The following ARMC2 variants were observed in gnomAD, a reference collection of about 807,000 sequenced individuals.
The protein encoded by ARMC2 is armadillo repeat containing 2, also known as armadillo repeat-containing protein 2.
A neutral mutation model predicts 90.3 loss-of-function variants in ARMC2; 67 were observed. The observed-to-expected ratio is 0.74, with a 90% CI of 0.61 to 0.91. The LOEUF (loss-of-function observed/expected upper bound fraction) is 0.91. ARMC2 is among the 40% of genes least tolerant of loss of function. The pLI is 0.00. For missense variants in ARMC2, 920 were observed against 1,030.9 expected (o/e 0.89, Z 1.47); for synonymous variants, 393 against 393.0 (o/e 1.00, Z 0.00).
At chr6:109,036,533 G>A in the ARMC2 span, among the ~76,000 whole-genome samples, 2 of 152,158 alleles carry the variant, frequency 1.3e-5, no homozygotes, top group Non-Finnish European at 2.9e-5. Context: ...GTTTTTATCT[G>A]AGGTTTGAGG....
the ARMC2 span, among the ~76,000 whole-genome samples, chr6:108,980,366 T>C: frequency 2.6e-5 from 4 of 152,096 alleles, no homozygotes; most frequent in African/African-American, 9.7e-5. Context: ...TCTGGAAGCT[T>C]TGTCCCAGAG....
chr6:108,928,259 C>A, intron 11 of ARMC2, 26 bp downstream of exon 11: 2 of 1,427,258 alleles, frequency 1.4e-6, no homozygotes, highest in South Asian at 1.7e-5. Context: ...CGTGAAGTAG[C>A]CTTACAAAAA....
At chr6:108,961,280 T>G (rs2128511587) in intron 13 of ARMC2, among the ~76,000 whole-genome samples, 1 of 152,308 alleles carries the variant, frequency 6.6e-6, no homozygotes, top group Non-Finnish European at 1.5e-5. Context: ...GCCCCTTTGC[T>G]TTACTTCAGA....
intron 4 of ARMC2, among the ~76,000 whole-genome samples, chr6:108,872,529 G>A (rs1776525985): frequency 6.6e-6 from 1 of 152,174 alleles, no homozygotes; most frequent in Non-Finnish European, 1.5e-5. Context: ...GCTCACTGGG[G>A]TGCTGTGATG....
chr6:108,958,499 G>A (rs966923697), intron 13 of ARMC2, among the ~76,000 whole-genome samples: 2 of 152,154 alleles, frequency 1.3e-5, no homozygotes, highest in African/African-American at 2.4e-5. Flanking sequence ...CATTCCTGCC[G>A]CCCAAATGTG....
At chr6:108,859,627 A>G (rs757367391) in intron 3 of ARMC2, among the ~76,000 whole-genome samples, 1 of 152,144 alleles carries the variant, frequency 6.6e-6, no homozygotes, top group Non-Finnish European at 1.5e-5. Context: ...GTAAACATGG[A>G]TATTAATTGA....
At chr6:108,897,663 G>A (rs912290121) in intron 6 of ARMC2, among the ~76,000 whole-genome samples, 5 of 152,008 alleles carry the variant, frequency 3.3e-5, no homozygotes, top group Admixed American at 2.6e-4. Flanking sequence ...GTGTTGGGTG[G>A]GATAGGTAGA....
the ARMC2 span, among the ~76,000 whole-genome samples, chr6:109,018,379 G>A: frequency 4.6e-5 from 7 of 152,180 alleles, no homozygotes; most frequent in African/African-American, 1.7e-4. Context: ...TGATTAGGAG[G>A]GGTATAGTTT....
chr6:108,891,796 T>G (rs926196391), intron 5 of ARMC2, among the ~76,000 whole-genome samples: 1 of 152,184 alleles, frequency 6.6e-6, no homozygotes, highest in African/African-American at 2.4e-5. Context: ...ATTGCTTTTG[T>G]TGTTTTAGTC....
chr6:108,991,573 A>G, the ARMC2 span, among the ~76,000 whole-genome samples: 1 of 152,216 alleles, frequency 6.6e-6, no homozygotes, highest in Admixed American at 6.5e-5. Context: ...AAACACATCT[A>G]TCACCCATTC....
chr6:109,032,181 A>G, the ARMC2 span, among the ~76,000 whole-genome samples: 1 of 152,114 alleles, frequency 6.6e-6, no homozygotes, highest in African/African-American at 2.4e-5. Context: ...TTGAGGCAGG[A>G]AAATCACTTG....
the ARMC2 span, among the ~76,000 whole-genome samples, chr6:109,026,609 A>T: frequency 4.4e-3 from 668 of 152,082 alleles, 11 homozygotes; most frequent in African/African-American, 0.016. Flanking sequence ...GGTTCAAGCG[A>T]TTCTCCTGCC....
chr6:108,927,609 G>T (rs375168089), intron 10 of ARMC2, among the ~76,000 whole-genome samples: 3 of 150,800 alleles, frequency 2.0e-5, no homozygotes, highest in South Asian at 4.2e-4. Context: ...TCTTGGGAGA[G>T]AATGAGACTA....
chr6:109,036,780 C>T, the ARMC2 span, among the ~76,000 whole-genome samples: 4 of 152,166 alleles, frequency 2.6e-5, no homozygotes, highest in Non-Finnish European at 5.9e-5. Context: ...TTATTCTCAC[C>T]TGTTCCCCAT....
At chr6:108,991,128 T>C in the ARMC2 span, among the ~76,000 whole-genome samples, 1 of 152,128 alleles carries the variant, frequency 6.6e-6, no homozygotes, top group East Asian at 1.9e-4. Flanking sequence ...GGCCTTTATG[T>C]CTTTCACTCT....
chr6:108,907,794 C>T, intron 8 of ARMC2: 1 of 1,610,326 alleles, frequency 6.2e-7, no homozygotes, highest in Non-Finnish European at 8.5e-7. Flanking sequence ...CTGAAGTCCC[C>T]CATCAAGATC....
At chr6:108,915,683 G>C (rs1315268596) in intron 10 of ARMC2, among the ~76,000 whole-genome samples, 1 of 152,198 alleles carries the variant, frequency 6.6e-6, no homozygotes, top group Non-Finnish European at 1.5e-5. Flanking sequence ...AGGTGCTGAA[G>C]AGGTAGGGCT....
the ARMC2 span, among the ~76,000 whole-genome samples, chr6:109,044,749 C>T: frequency 1.3e-5 from 2 of 151,918 alleles, no homozygotes; most frequent in Non-Finnish European, 1.5e-5. Flanking sequence ...CTCAGCCGGG[C>T]GCAGTGGCTC....
At chr6:108,961,892 C>T (rs948158485) in intron 14 of ARMC2, 122 bp from the exon 15 acceptor site, 2 of 974,054 alleles carry the variant, frequency 2.1e-6, no homozygotes, top group Non-Finnish European at 3.0e-6. Flanking sequence ...GCTAAAGTCC[C>T]TTACAGTTTG....
Sources: gnomAD v4.1 joint callset for allele counts (sites outside exome capture counted in the v4.1 genomes callset) on GRCh38, gnomAD v4.1.1 for gene constraint, MANE v1.5 for transcripts, NCBI Gene and HGNC (gene_info 2026-07-23, HGNC 2026-07-21) for gene names.